IL1RAPL1: variants seen among roughly 807,000 people sequenced by gnomAD.
IL1RAPL1 encodes the protein interleukin-1 receptor accessory protein-like 1.
IL1RAPL1 carries 3 observed loss-of-function variants against 48.4 expected under a neutral mutation model. The observed-to-expected ratio is 0.06, with a 90% CI of 0.03 to 0.16. The LOEUF is 0.16. IL1RAPL1 is among the 10% of genes least tolerant of loss of function. The pLI, the probability that IL1RAPL1 is intolerant of heterozygous loss-of-function variation, is 1.00. For synonymous variants in IL1RAPL1, 185 were observed against 187.7 expected (o/e 0.99, Z 0.12); for missense variants, 349 against 530.6 (o/e 0.66, Z 3.36).
At chrX:29,593,642 G>A (rs1370379120) in intron 5 of IL1RAPL1, among the ~76,000 whole-genome samples, 1 of 111,484 alleles carries the variant, frequency 9.0e-6, no homozygotes, top group Admixed American at 9.5e-5. Context: ...CAATATTCTA[G>A]TATGTATTCT....
At chrX:28,904,188 A>G (rs908577714) in intron 2 of IL1RAPL1, among the ~76,000 whole-genome samples, 8 of 111,506 alleles carry the variant, frequency 7.2e-5, no homozygotes, top group African/African-American at 2.3e-4. Context: ...TATAAAAATT[A>G]AATTGTTTAA....
chrX:29,632,346 T>C (rs1372493687), intron 5 of IL1RAPL1, among the ~76,000 whole-genome samples: 1 of 109,891 alleles, frequency 9.1e-6, no homozygotes, highest in Non-Finnish European at 1.9e-5. Flanking sequence ...AGACGGGGTT[T>C]CACTGTGTTA....
At chrX:29,051,904 C>G (rs1029308149) in intron 2 of IL1RAPL1, among the ~76,000 whole-genome samples, 1 of 111,879 alleles carries the variant, frequency 8.9e-6, no homozygotes, top group African/African-American at 3.3e-5. Context: ...ATTTTCGGCT[C>G]TCTTTTAGCG....
chrX:29,906,906 C>T (rs1037932925), intron 6 of IL1RAPL1, among the ~76,000 whole-genome samples: 1 of 110,305 alleles, frequency 9.1e-6, no homozygotes, highest in Admixed American at 9.8e-5. Flanking sequence ...AAATTTGGAA[C>T]TCACTGACTT....
At chrX:29,332,095 CTTTT>C (rs72360733) in intron 3 of IL1RAPL1, among the ~76,000 whole-genome samples, 1 of 27,889 alleles carries the variant, frequency 3.6e-5, no homozygotes, top group Admixed American at 7.5e-4. Context: ...ATTCTAAGGT[CTTTT>C]TTTTTTTTTT....
At chrX:29,290,639 C>T (rs780038409) in intron 3 of IL1RAPL1, among the ~76,000 whole-genome samples, 84 of 112,162 alleles carry the variant, frequency 7.5e-4, no homozygotes, top group African/African-American at 2.7e-3. Context: ...TTGCACGTGA[C>T]TCTGCAATGT....
chrX:29,918,144 A>AAAAATAT (rs1555935868), intron 7 of IL1RAPL1, among the ~76,000 whole-genome samples: 1 of 23,759 alleles, frequency 4.2e-5, no homozygotes, highest in African/African-American at 2.4e-4. Context: ...AAAAAAAAAA[A>AAAAATAT]ATATATATAT....
chrX:29,443,454 C>T (rs1410521350), intron 5 of IL1RAPL1, among the ~76,000 whole-genome samples: 1 of 110,965 alleles, frequency 9.0e-6, no homozygotes, highest in Non-Finnish European at 1.9e-5. Flanking sequence ...CTCTATTATT[C>T]GCCATAGCCT....
At chrX:29,204,230 T>G (rs1930618209) in intron 2 of IL1RAPL1, among the ~76,000 whole-genome samples, 1 of 112,008 alleles carries the variant, frequency 8.9e-6, no homozygotes, top group Non-Finnish European at 1.9e-5. Context: ...TTTGGATACA[T>G]TCTCAGCAGT....
At position 29,168,570 on chromosome X, in the gene IL1RAPL1, T is replaced by TATATATATAC. The variant is rs771897220; in HGVS notation, c.83-114367_83-114366insTATATATACA. ...GTATTCAATTGTATATATATATATA[T>TATATATATAC]ACACACACAATTGTATATATATATT... is the stretch of plus-strand genomic sequence containing the variant. On this transcript the variant is annotated intron_variant, in intron 2 of 10. Transcript: ENST00000378993. Among the ~76,000 whole-genome samples, 22 of 95,887 alleles carry TATATATATAC rather than the reference T, an allele frequency of 2.3e-4. 2 individuals carry two copies. Among genetic ancestry groups the TATATATATAC allele is most frequent in the Admixed American group, 3.6e-4 (3 of 8,278 alleles). The allele number at this position is 95,887 out of a possible 115,157, so 83.3% of individuals were successfully genotyped here.
chrX:29,060,842 T>C (rs1054503254), intron 2 of IL1RAPL1, among the ~76,000 whole-genome samples: 1 of 112,289 alleles, frequency 8.9e-6, no homozygotes, highest in African/African-American at 3.2e-5. Context: ...TATTAAATGT[T>C]ACTGCTAAAA....
intron 2 of IL1RAPL1, among the ~76,000 whole-genome samples, chrX:29,157,149 T>C (rs913076824): frequency 9.0e-6 from 1 of 111,346 alleles, no homozygotes; most frequent in African/African-American, 3.3e-5. Flanking sequence ...GGGACAGTGA[T>C]CCAGGCTCTA....
intron 5 of IL1RAPL1, among the ~76,000 whole-genome samples, chrX:29,497,312 C>A (rs1457853205): frequency 1.8e-5 from 2 of 110,754 alleles, no homozygotes; most frequent in Non-Finnish European, 3.8e-5. Context: ...TAATGTAGCC[C>A]ATATTATAAT....
At chrX:28,755,256 A>G (rs1025934084) in intron 1 of IL1RAPL1, among the ~76,000 whole-genome samples, 3 of 112,094 alleles carry the variant, frequency 2.7e-5, no homozygotes, top group South Asian at 3.7e-4. Context: ...TTGGCCTCCC[A>G]AAGTGCTGGG....
chrX:29,032,066 C>T (rs1206042655), intron 2 of IL1RAPL1, among the ~76,000 whole-genome samples: 1 of 111,620 alleles, frequency 9.0e-6, no homozygotes, highest in East Asian at 2.8e-4. Context: ...TAGTAACTGG[C>T]AGATTGTAGG....
At chrX:29,558,604 A>G (rs7051757) in intron 5 of IL1RAPL1, among the ~76,000 whole-genome samples, 27,736 of 111,137 alleles carry the variant, frequency 0.25, 5,307 homozygotes, top group African/African-American at 0.66. Flanking sequence ...ATGTCCAAAA[A>G]GTAATTACCC....
chrX:29,435,561 C>T (rs780364125), intron 5 of IL1RAPL1, among the ~76,000 whole-genome samples: 6 of 110,262 alleles, frequency 5.4e-5, no homozygotes, highest in South Asian at 3.7e-4. Context: ...GGTTTTGTGC[C>T]GTTGTTTTTA....
chrX:29,010,622 GTGAT>G, intron 2 of IL1RAPL1, among the ~76,000 whole-genome samples: 1 of 111,887 alleles, frequency 8.9e-6, no homozygotes, highest in East Asian at 2.8e-4. Context: ...ATCGATTTTA[GTGAT>G]TGATGTAATC....
At chrX:29,041,269 G>A (rs12836804) in intron 2 of IL1RAPL1, among the ~76,000 whole-genome samples, 19 of 111,381 alleles carry the variant, frequency 1.7e-4, no homozygotes, top group Non-Finnish European at 3.4e-4. Flanking sequence ...AGATCCCATG[G>A]GACGTATCTG....
Sources: allele counts gnomAD v4.1 joint callset (sites outside exome capture counted in the v4.1 genomes callset), GRCh38; gene constraint gnomAD v4.1.1; transcripts MANE v1.5; gene names NCBI Gene and HGNC (gene_info 2026-07-23, HGNC 2026-07-21).